The following NECAB2 variants were observed in gnomAD, a reference collection of about 807,000 sequenced individuals.
NECAB2 encodes N-terminal EF-hand calcium binding protein 2, also known as N-terminal EF-hand calcium-binding protein 2.
NECAB2 carries 68 observed loss-of-function variants against 51.9 expected under a neutral mutation model. That is an observed-to-expected ratio of 1.31 (90% CI 1.08 to 1.60). The LOEUF (loss-of-function observed/expected upper bound fraction) is 1.60. NECAB2 is among the 40% of genes most tolerant of loss of function. NECAB2 has a pLI of 0.00. For synonymous variants in NECAB2, 329 were observed against 203.5 expected, an observed-to-expected ratio of 1.62 and a Z score of -5.25; for missense variants, 854 against 490.3, an observed-to-expected ratio of 1.74 and a Z score of -7.00.
At chr16:84,002,265 C>G (rs189047539) in intron 12 of NECAB2, 53 bp from the exon 13 acceptor site, 67 of 1,598,406 alleles carry the variant, frequency 4.2e-5, no homozygotes, top group Non-Finnish European at 5.6e-5. Flanking sequence ...CCACCAGCTA[C>G]GAGGCTGCCC....
chr16:83,991,926 A>G (rs1487507925), intron 6 of NECAB2, among the ~76,000 whole-genome samples: 1 of 149,298 alleles, frequency 6.7e-6, no homozygotes, highest in Non-Finnish European at 1.5e-5. Flanking sequence ...AAGGGCTGGG[A>G]TTACAGGCAG....
In NECAB2 at chr16:84,001,814, C is replaced by T. The variant is rs768266037; in HGVS notation, c.1041-11C>T. ...TGCCACCCCTGACTCACACATGTCC[C>T]TGCGTCACAGGCACCTGCAGAGCCC... On this transcript the variant is annotated splice_polypyrimidine_tract_variant and intron_variant, in intron 11 of 12. Coordinates refer to ENST00000305202, the MANE Select transcript of NECAB2 (RefSeq NM_019065.3). The T allele has an allele frequency of 6.2e-7, 1 of 1,613,884 alleles. No homozygotes were observed. The highest frequency in any genetic ancestry group is 2.2e-5 in the East Asian group (1 of 44,870).
intron 7 of NECAB2, 75 bp from the exon 8 acceptor site, chr16:83,994,534 G>C: frequency 1.2e-6 from 2 of 1,601,486 alleles, no homozygotes; most frequent in Non-Finnish European, 1.7e-6. Flanking sequence ...TGGAGGGGCT[G>C]GATGTTTCCA....
intron 3 of NECAB2, 60 bp from the exon 4 acceptor site, chr16:83,980,779 G>T (rs1398819962): frequency 2.6e-6 from 4 of 1,543,392 alleles, no homozygotes; most frequent in Non-Finnish European, 2.6e-6. Flanking sequence ...GCTGTGCAGG[G>T]TCAGGCCTGC....
In NECAB2 at chr16:83,997,967, G is replaced by A. The variant is rs1461226755; in HGVS notation, c.850-238G>A. Among the ~76,000 whole-genome samples, 3 of 152,184 alleles carry A rather than the reference G, an allele frequency of 2.0e-5. No homozygotes were observed. The East Asian group carries it at 5.8e-4, about 29-fold the overall frequency. On this transcript the variant is annotated intron_variant, in intron 9 of 12. Coordinates refer to ENST00000305202, the MANE Select transcript of NECAB2 (RefSeq NM_019065.3). ...GGTTGTGGACATGGATGGGGCCTCT[G>A]TAAACAACCTCGTCTGTTTTCCCCA...
chr16:83,969,755 C>T (rs138002034), intron 1 of NECAB2, among the ~76,000 whole-genome samples: 3 of 152,246 alleles, frequency 2.0e-5, no homozygotes, highest in South Asian at 2.1e-4. Context: ...CGTGTTTCAG[C>T]GAGGGTCCTG....
At chr16:83,999,832 CA>C (rs967978190) in intron 10 of NECAB2, among the ~76,000 whole-genome samples, 3 of 151,922 alleles carry the variant, frequency 2.0e-5, no homozygotes, top group Non-Finnish European at 4.4e-5. Flanking sequence ...AATGAGAGGA[CA>C]AGTAGAAGGA....
At chr16:83,972,939 C>G (rs974172641) in intron 2 of NECAB2, among the ~76,000 whole-genome samples, 4 of 152,236 alleles carry the variant, frequency 2.6e-5, no homozygotes, top group Admixed American at 2.0e-4. Flanking sequence ...TGCAACGCAA[C>G]TCACCGTGGA....
Position 83,968,707 on chromosome 16 carries a change from C to A in NECAB2, c.59C>A (p.Pro20Gln). ...GGCGCGCACAGGCTGCTCCGGGAGC[C>A]GCCGCAGCAGGGCCGGGCGCTGGGC... ...RAGAHRLLRE[P>Q]PQQGRALGGL... Residue 20 changes from proline to glutamine, a missense_variant, in exon 1 of 13, where the codon CCG becomes CAG. Pro to Gln is a moderately conservative substitution (Grantham distance 76, BLOSUM62 -1). Transcript: ENST00000305202. The A allele has an allele frequency of 7.0e-6, 7 of 1,006,204 alleles. No homozygotes were observed. The highest frequency in any genetic ancestry group is 7.1e-6 in the Non-Finnish European group (6 of 845,924). The allele number at this position is 1,006,204 out of a possible 1,614,324, so 62.3% of individuals were successfully genotyped here.
At chr16:84,002,281 C>A (rs367644076) in intron 12 of NECAB2, 37 bp from the exon 13 acceptor site, 25 of 1,612,372 alleles carry the variant, frequency 1.6e-5, no homozygotes, top group Middle Eastern at 1.7e-4. Flanking sequence ...TGCCCACATT[C>A]GCACTCCTTC....
Position 83,990,616 on chromosome 16 carries a change from G to T in NECAB2, c.582G>T (p.Gln194His). 6.2e-7 allele frequency: 1 copy of T among 1,614,064 alleles called. No individual in the cohort carries two copies. Among genetic ancestry groups the T allele is most frequent in the Non-Finnish European group, 8.5e-7 (1 of 1,180,018 alleles). Reference sequence around the variant, plus strand: ...GTGCGGTGGAGGCCATCGAGGAACAGACCAGCCAGCTCCGGTGAGTCTCTG... The same window carrying T: ...GTGCGGTGGAGGCCATCGAGGAACATACCAGCCAGCTCCGGTGAGTCTCTG... The part of the protein sequence containing the change: ...VESAVEAIEE[Q>H]TSQLRQNHIK... Residue 194 changes from glutamine (Q) to histidine (H), a missense_variant, in exon 6 of 13, where the codon CAG becomes CAT. By Grantham distance (24) the Gln-to-His change is conservative. Transcript: ENST00000305202.
At chr16:83,994,545 G>T in intron 7 of NECAB2, 64 bp from the exon 8 acceptor site, 2 of 1,606,984 alleles carry the variant, frequency 1.2e-6, no homozygotes, top group Non-Finnish European at 1.7e-6. Flanking sequence ...GATGTTTCCA[G>T]CTTCCCCCCG....
At chr16:84,001,981 G>C (rs550404112) in intron 12 of NECAB2, 65 bp downstream of exon 12, 284 of 1,538,836 alleles carry the variant, frequency 1.8e-4, no homozygotes, top group Non-Finnish European at 8.9e-6. Context: ...GAGCCTAGAG[G>C]CTGCCCCATA....
intron 1 of NECAB2, chr16:83,971,310 C>T (rs1328607967): frequency 6.6e-6 from 1 of 152,208 alleles, no homozygotes; most frequent in Non-Finnish European, 1.5e-5. Context: ...GAGTGGGCCT[C>T]ACAGCAGCTG....
rs1053570741 is a variant in NECAB2 at position 84,002,522 on chromosome 16, C to T, written c.*176C>T. 6.3e-6 allele frequency: 5 copies of T among 797,774 alleles called. No individual in the cohort carries two copies. Among genetic ancestry groups the T allele is most frequent in the Middle Eastern group, 2.4e-4 (1 of 4,240 alleles). The allele number at this position is 797,774 out of a possible 1,614,324, so 49.4% of individuals were successfully genotyped here. The stretch of plus-strand genomic sequence containing the variant: ...CCGCCCCTGCCCCCACCTGAGAAGG[C>T]AGAGCAGTGTCTGTGCTGCCAGGTC... On this transcript the variant is annotated 3_prime_UTR_variant, in exon 13 of 13. Coordinates refer to ENST00000305202, the MANE Select transcript of NECAB2 (RefSeq NM_019065.3).
At chr16:83,984,240 C>T (rs562649590) in intron 5 of NECAB2, among the ~76,000 whole-genome samples, 1 of 151,900 alleles carries the variant, frequency 6.6e-6, no homozygotes, top group South Asian at 2.1e-4. Flanking sequence ...CGTGATCTGT[C>T]CTCCTCGGCC....
chr16:83,989,581 A>T (rs866287427), intron 5 of NECAB2, among the ~76,000 whole-genome samples: 2 of 152,166 alleles, frequency 1.3e-5, no homozygotes, highest in Admixed American at 6.5e-5. Context: ...GTCTTGGCAG[A>T]GGAGGCCAGG....
chr16:83,986,119 C>T (rs144651201), intron 5 of NECAB2, among the ~76,000 whole-genome samples: 1,786 of 152,192 alleles, frequency 0.012, 17 homozygotes, highest in Non-Finnish European at 0.019. Flanking sequence ...TGGGTTAAAG[C>T]GATTCTTCCA....
At chr16:83,981,490 G>T (rs1898666969) in intron 5 of NECAB2, among the ~76,000 whole-genome samples, 1 of 151,464 alleles carries the variant, frequency 6.6e-6, no homozygotes, top group Non-Finnish European at 1.5e-5. Context: ...GTGGTGGGGG[G>T]TGGTGGTTCA....
Sources: allele counts gnomAD v4.1 joint callset (sites outside exome capture counted in the v4.1 genomes callset), GRCh38; gene constraint gnomAD v4.1.1; transcripts MANE v1.5; gene names NCBI Gene and HGNC (gene_info 2026-07-23, HGNC 2026-07-21).